Variants in NUP107 observed in about 807,000 individuals in gnomAD.
NUP107 encodes nucleoporin 107.
In NUP107, 101 loss-of-function variants were observed where a neutral mutation model predicts 141.0. The observed-to-expected ratio is 0.72, with a 90% CI of 0.61 to 0.84. The LOEUF is 0.84. Among genes scored for constraint, NUP107 ranks in the 40% least tolerant of loss-of-function variants. The pLI is 0.00. For synonymous variants in NUP107, 319 were observed against 363.9 expected, an observed-to-expected ratio of 0.88 and a Z score of 1.41; for missense variants, 941 against 1,102.7, an observed-to-expected ratio of 0.85 and a Z score of 2.08.
chr12:68,691,971 A>G lies in NUP107; in HGVS notation c.307A>G (p.Thr103Ala). 6.3e-7 allele frequency: 1 copy of G among 1,591,138 alleles called. No homozygotes were observed. The highest frequency in any genetic ancestry group is 8.5e-7 in the Non-Finnish European group (1 of 1,174,002). Residue 103 changes from threonine to alanine, a missense_variant, in exon 5 of 28, where the codon ACT becomes GCT. Transcript: ENST00000229179. ...SGFFGNLSMV[T>A]NLDDSNWAAA... ...TACTTTTTTGTTTTTTTTTAAGGTT[A>G]CTAATCTGGATGACAGTAACTGGGC...
chr12:68,712,637 G>GT (rs950710577), intron 10 of NUP107, among the ~76,000 whole-genome samples: 1 of 140,332 alleles, frequency 7.1e-6, no homozygotes, highest in Non-Finnish European at 1.6e-5. Flanking sequence ...TTTGTTTTTT[G>GT]TTTTTTGTTT....
chr12:68,716,674 A>G (rs1877128016), intron 12 of NUP107, among the ~76,000 whole-genome samples: 5 of 152,180 alleles, frequency 3.3e-5, no homozygotes, highest in African/African-American at 7.2e-5. Flanking sequence ...AATGTGGGTG[A>G]TAGTTAATAT....
chr12:68,719,294 T>C (rs761796280), intron 12 of NUP107, 47 bp from the exon 13 acceptor site: 1 of 1,415,232 alleles, frequency 7.1e-7, no homozygotes, highest in Admixed American at 1.7e-5. Flanking sequence ...TACTTTACTA[T>C]AAAGCACCCT....
chr12:68,687,553 ATTAG>A, intron 1 of NUP107: 3 of 991,252 alleles, frequency 3.0e-6, no homozygotes, highest in Middle Eastern at 1.0e-3. Flanking sequence ...CCCTCGGGGA[ATTAG>A]TTGTGTAATG....
intron 19 of NUP107, 31 bp from the exon 20 acceptor site, chr12:68,727,320 A>G (rs746527289): frequency 1.7e-6 from 2 of 1,178,776 alleles, no homozygotes; most frequent in South Asian, 1.3e-5. Flanking sequence ...TAAGCAGTGT[A>G]TTTATAATTA....
In NUP107 at chr12:68,743,208, G is replaced by C. The variant is rs1878393439; in HGVS notation, c.*746G>C. The C allele has an allele frequency of 6.6e-6, 1 of 152,282 alleles. No homozygotes were observed. The highest frequency in any genetic ancestry group is 1.5e-5 in the Non-Finnish European group (1 of 68,128). The allele number at this position is 152,282 out of a possible 1,614,324, so 9.4% of individuals were successfully genotyped here. A position where few individuals can be genotyped will look rare whatever the true frequency, so the allele number is the denominator to read the frequency against. On this transcript the variant is annotated 3_prime_UTR_variant, in exon 28 of 28. Transcript: ENST00000229179. ...TCGTCAGGAGTTTGAGACCAGCCTG[G>C]CCAACATGGTGAAACCCTGTCTCTA...
chr12:68,713,495 C>G (rs1009682272), intron 10 of NUP107, among the ~76,000 whole-genome samples: 5 of 151,128 alleles, frequency 3.3e-5, no homozygotes, highest in African/African-American at 1.2e-4. Context: ...GTAAAAAGGG[C>G]AAAAATTTGA....
chr12:68,715,805 T>C (rs182781290), intron 12 of NUP107, 65 bp downstream of exon 12: 2 of 949,748 alleles, frequency 2.1e-6, no homozygotes, highest in East Asian at 4.9e-5. Context: ...TTGGAAGAGA[T>C]TTTTGTGGCT....
rs998347461 is a variant in NUP107 at position 68,698,370 on chromosome 12, A to G, written c.552+1448A>G. Reference sequence around the variant, plus strand: ...ATTGCTGGTGGAAATGCAAACAACTATAGCTACTTTGGAAGACAGTCTGCA... The same window carrying G: ...ATTGCTGGTGGAAATGCAAACAACTGTAGCTACTTTGGAAGACAGTCTGCA... On this transcript the variant is annotated intron_variant, in intron 6 of 27. Coordinates refer to ENST00000229179, the MANE Select transcript of NUP107 (RefSeq NM_020401.4). Among the ~76,000 whole-genome samples, 52 of 152,362 alleles carry G rather than the reference A, an allele frequency of 3.4e-4. No homozygotes were observed. In the Middle Eastern group the frequency reaches 0.01, roughly 30 times the overall value.
intron 9 of NUP107, 124 bp from the exon 10 acceptor site, chr12:68,709,881 T>C: frequency 1.8e-6 from 1 of 548,216 alleles, no homozygotes; most frequent in South Asian, 1.8e-5. Flanking sequence ...AGAGTGAGAC[T>C]CTTTCTCAAA....
At position 68,718,890 on chromosome 12, in the gene NUP107, G is replaced by T. The variant is rs151124762; in HGVS notation, c.1084-451G>T. Among the ~76,000 whole-genome samples, 631 of 131,700 alleles carry T rather than the reference G, an allele frequency of 4.8e-3. 1 individual carries two copies. The highest frequency in any genetic ancestry group is 0.015 in the African/African-American group (572 of 37,106). 86.4% of individuals were successfully genotyped at this position (131,700 alleles called of 152,430 possible). A position where few individuals can be genotyped will look rare whatever the true frequency, so the allele number is the denominator to read the frequency against. Reference sequence around the variant, plus strand: ...TGTATGTATGTATGTATGTATGTATGTATTTATTTAGTTTTTGAGACAGGG... The same window carrying T: ...TGTATGTATGTATGTATGTATGTATTTATTTATTTAGTTTTTGAGACAGGG... On this transcript the variant is annotated intron_variant, in intron 12 of 27. Transcript: ENST00000229179.
rs376349897 is a variant in NUP107, at chr12:68,687,037, T to G, written c.-29T>G. Reference sequence around the variant, plus strand: ...ACGCGGTAGCTAAACTGCAGCCAACTTTGGTTGTGTGTGGAAAAGGCTTTA... The same window carrying G: ...ACGCGGTAGCTAAACTGCAGCCAACGTTGGTTGTGTGTGGAAAAGGCTTTA... On this transcript the variant is annotated 5_prime_UTR_variant, in exon 1 of 28. Transcript: ENST00000229179. The G allele has an allele frequency of 6.2e-7, 1 of 1,614,100 alleles. No individual in the cohort carries two copies. The highest frequency in any genetic ancestry group is 8.5e-7 in the Non-Finnish European group (1 of 1,179,956).
chr12:68,700,283 G>T (rs1337622835), intron 6 of NUP107, among the ~76,000 whole-genome samples: 2 of 152,064 alleles, frequency 1.3e-5, no homozygotes, highest in African/African-American at 4.8e-5. Context: ...AATGTTTTTG[G>T]TGCCAATCTT....
chr12:68,717,366 A>T (rs1246065089), intron 12 of NUP107, among the ~76,000 whole-genome samples: 14 of 152,106 alleles, frequency 9.2e-5, no homozygotes, highest in Admixed American at 9.2e-4. Context: ...CAGTCATACT[A>T]TACATTCAAG....
intron 8 of NUP107, among the ~76,000 whole-genome samples, chr12:68,708,813 T>G (rs1174277453): frequency 6.6e-6 from 1 of 152,252 alleles, no homozygotes; most frequent in South Asian, 2.1e-4. Flanking sequence ...GAGATGTGGA[T>G]TCACCATTTT....
intron 5 of NUP107, among the ~76,000 whole-genome samples, chr12:68,692,591 A>C (rs112196210): frequency 4.2e-4 from 35 of 83,832 alleles, no homozygotes; most frequent in Non-Finnish European, 4.6e-4. Flanking sequence ...AAAAAAAAAC[A>C]AAAAAAAAAA....
rs186668883 is a variant in NUP107, at chr12:68,743,180, C to G, written c.*718C>G. ...CGGGAGGCCGAGGCAGGTGGATCACCTGTCGTCAGGAGTTTGAGACCAGCC... is the reference window on the plus strand; with the variant it reads ...CGGGAGGCCGAGGCAGGTGGATCACGTGTCGTCAGGAGTTTGAGACCAGCC... On this transcript the variant is annotated 3_prime_UTR_variant, in exon 28 of 28. Coordinates refer to ENST00000229179, the MANE Select transcript of NUP107 (RefSeq NM_020401.4). 6 of 152,350 alleles carry G rather than the reference C, an allele frequency of 3.9e-5. No individual in the cohort carries two copies. The highest frequency in any genetic ancestry group is 7.3e-5 in the Non-Finnish European group (5 of 68,072). 9.4% of individuals were successfully genotyped at this position (152,350 alleles called of 1,614,324 possible).
chr12:68,742,098 A>T (rs1156374705), intron 27 of NUP107, 118 bp downstream of exon 27: 1 of 880,932 alleles, frequency 1.1e-6, no homozygotes, highest in African/African-American at 1.7e-5. Flanking sequence ...TTAAAGTAAT[A>T]GTCCAGTTTT....
chr12:68,693,459 C>T (rs761857819), intron 5 of NUP107, among the ~76,000 whole-genome samples: 8 of 152,160 alleles, frequency 5.3e-5, no homozygotes, highest in South Asian at 2.1e-4. Flanking sequence ...AGTGATCCTA[C>T]CGCCTCAGCC....
Sources: allele counts gnomAD v4.1 joint callset (sites outside exome capture counted in the v4.1 genomes callset), GRCh38; gene constraint gnomAD v4.1.1; transcripts MANE v1.5; gene names NCBI Gene and HGNC (gene_info 2026-07-23, HGNC 2026-07-21).